The following ADGRL3 variants were observed in gnomAD, a reference collection of about 807,000 sequenced individuals.
The protein encoded by ADGRL3 is adhesion G protein-coupled receptor L3, also known as calcium-independent alpha-latrotoxin receptor 3.
ADGRL3 carries 62 observed loss-of-function variants against 153.5 expected under a neutral mutation model. The ratio of observed to expected loss-of-function variants is 0.40; its 90% CI spans 0.33 to 0.50. ADGRL3 has a LOEUF of 0.50. ADGRL3 is among the 20% of genes least tolerant of loss of function. The pLI, the probability that ADGRL3 is intolerant of heterozygous loss-of-function variation, is 0.47. For synonymous variants in ADGRL3, 710 were observed against 672.5 expected (o/e 1.06, Z -0.86); for missense variants, 1,641 against 1,859.4 (o/e 0.88, Z 2.16).
intron 13 of ADGRL3, among the ~76,000 whole-genome samples, 159 bp downstream of exon 13, chr4:61,912,916 C>T (rs1241693604): frequency 6.6e-6 from 1 of 152,070 alleles, no homozygotes. Flanking sequence ...AAAGCATTGG[C>T]AGTGCCAATG....
At chr4:62,029,026 A>G (rs1444447897) in intron 22 of ADGRL3, 145 bp downstream of exon 22, 25 of 672,586 alleles carry the variant, frequency 3.7e-5, no homozygotes, top group Non-Finnish European at 5.8e-5. Context: ...ATAATCTGGC[A>G]TACAACCTAT....
intron 9 of ADGRL3, among the ~76,000 whole-genome samples, chr4:61,878,990 A>T (rs1363116851): frequency 6.6e-6 from 1 of 152,118 alleles, no homozygotes; most frequent in African/African-American, 2.4e-5. Context: ...TGTCCCTTTA[A>T]GATTTTTTTG....
At chr4:61,952,293 A>G (rs896103137) in intron 17 of ADGRL3, among the ~76,000 whole-genome samples, 4 of 152,030 alleles carry the variant, frequency 2.6e-5, no homozygotes, top group Admixed American at 2.6e-4. Flanking sequence ...CCTGGGCAAC[A>G]TAGTGAAACC....
chr4:61,325,590 T>C (rs1483553830), intron 1 of ADGRL3, among the ~76,000 whole-genome samples: 2 of 152,160 alleles, frequency 1.3e-5, no homozygotes, highest in Non-Finnish European at 2.9e-5. Flanking sequence ...CCTATAATTC[T>C]AGGTGTTGAG....
At chr4:61,398,895 C>T (rs2096898052) in intron 2 of ADGRL3, among the ~76,000 whole-genome samples, 2 of 151,632 alleles carry the variant, frequency 1.3e-5, no homozygotes, top group Admixed American at 1.3e-4. Context: ...TTTTCTCCTT[C>T]CAAAACTGTG....
At chr4:61,712,415 A>G (rs1293191337) in intron 6 of ADGRL3, among the ~76,000 whole-genome samples, 1 of 152,120 alleles carries the variant, frequency 6.6e-6, no homozygotes, top group Non-Finnish European at 1.5e-5. Flanking sequence ...AAGAAAAAAA[A>G]AGGAAGTTTA....
chr4:62,065,589 C>T (rs1214820244), intron 25 of ADGRL3, among the ~76,000 whole-genome samples: 1 of 151,914 alleles, frequency 6.6e-6, no homozygotes, highest in African/African-American at 2.4e-5. Flanking sequence ...ATGTATTCTA[C>T]TCTATTCAGT....
At chr4:61,813,319 T>G (rs139240591) in intron 8 of ADGRL3, among the ~76,000 whole-genome samples, 8,145 of 152,142 alleles carry the variant, frequency 0.054, 369 homozygotes, top group African/African-American at 0.12. Flanking sequence ...GCTTGAACCC[T>G]GGAGGCGGAG....
intron 4 of ADGRL3, among the ~76,000 whole-genome samples, chr4:61,543,299 A>G (rs1166103558): frequency 6.6e-6 from 1 of 152,076 alleles, no homozygotes; most frequent in Non-Finnish European, 1.5e-5. Flanking sequence ...GGTTCATTGT[A>G]ATCTCAAAGA....
At chr4:61,608,688 GT>G (rs1249163235) in intron 5 of ADGRL3, among the ~76,000 whole-genome samples, 2 of 152,022 alleles carry the variant, frequency 1.3e-5, no homozygotes, top group African/African-American at 2.4e-5. Context: ...ATATGTCTCT[GT>G]TTTCTTTTTT....
chr4:61,392,469 C>T (rs983223974), intron 2 of ADGRL3, among the ~76,000 whole-genome samples: 8 of 151,144 alleles, frequency 5.3e-5, no homozygotes, highest in Admixed American at 3.3e-4. Flanking sequence ...AGGCAGATCA[C>T]GAGGTCAGGA....
At chr4:61,586,502 T>C (rs2098947234) in intron 4 of ADGRL3, among the ~76,000 whole-genome samples, 1 of 152,062 alleles carries the variant, frequency 6.6e-6, no homozygotes, top group Admixed American at 6.6e-5. Context: ...AAACAATATG[T>C]ATAGTGTGAT....
At chr4:61,456,350 G>GAT (rs1165959667) in intron 2 of ADGRL3, among the ~76,000 whole-genome samples, 4 of 141,138 alleles carry the variant, frequency 2.8e-5, no homozygotes, top group South Asian at 2.2e-4. Context: ...ATTTGAAGGA[G>GAT]ATATATATAG....
intron 1 of ADGRL3, among the ~76,000 whole-genome samples, chr4:61,229,073 A>G (rs1749305647): frequency 6.6e-6 from 1 of 152,122 alleles, no homozygotes. Context: ...TACTTGAGAG[A>G]GGCTGTGATG....
At chr4:61,886,785 G>A (rs1328397698) in intron 9 of ADGRL3, among the ~76,000 whole-genome samples, 2 of 151,796 alleles carry the variant, frequency 1.3e-5, no homozygotes, top group East Asian at 3.9e-4. Flanking sequence ...GGGATTACAG[G>A]CGCCCACCAT....
At chr4:61,483,527 C>T (rs1226645302) in intron 2 of ADGRL3, among the ~76,000 whole-genome samples, 3 of 152,040 alleles carry the variant, frequency 2.0e-5, no homozygotes, top group African/African-American at 7.2e-5. Flanking sequence ...CACCTGAAGT[C>T]GGGAGTTCGA....
At chr4:61,565,243 C>A (rs1191331755) in intron 4 of ADGRL3, among the ~76,000 whole-genome samples, 2 of 152,086 alleles carry the variant, frequency 1.3e-5, no homozygotes, top group South Asian at 2.1e-4. Context: ...CATACACTGA[C>A]ATAATGTTTG....
intron 1 of ADGRL3, among the ~76,000 whole-genome samples, chr4:61,247,800 C>CAAT (rs552499522): frequency 4.0e-5 from 6 of 151,610 alleles, no homozygotes; most frequent in East Asian, 1.9e-4. Flanking sequence ...TCAAAGGTAT[C>CAAT]AATAATAATA....
intron 1 of ADGRL3, among the ~76,000 whole-genome samples, chr4:61,277,806 C>A (rs1274283731): frequency 6.6e-6 from 1 of 152,116 alleles, no homozygotes; most frequent in East Asian, 1.9e-4. Context: ...GTATTTTAAG[C>A]TCTATTGCTT....
Sources: allele counts gnomAD v4.1 joint callset (sites outside exome capture counted in the v4.1 genomes callset), GRCh38; gene constraint gnomAD v4.1.1; transcripts MANE v1.5; gene names NCBI Gene and HGNC (gene_info 2026-07-23, HGNC 2026-07-21).